The following CCDC178 variants were observed in gnomAD, a reference collection of about 807,000 sequenced individuals.
CCDC178 encodes the protein coiled-coil domain-containing protein 178.
In CCDC178, 126 loss-of-function variants were observed where a neutral mutation model predicts 117.4. The ratio of observed to expected loss-of-function variants is 1.07; its 90% confidence interval spans 0.93 to 1.24. The LOEUF (loss-of-function observed/expected upper bound fraction) is 1.24, where lower values mean the gene tolerates loss of function less well. CCDC178 is among the 50% of genes most tolerant of loss of function. The probability of loss-of-function intolerance (pLI) is 0.00; values close to 1 mark genes in which losing one functional copy is unlikely to be tolerated. For synonymous variants in CCDC178, 283 were observed against 313.4 expected (o/e 0.90, Z 1.02); for missense variants, 1,030 against 986.9 (o/e 1.04, Z -0.59).
chr18:32,940,779 TAAAAGA>T (rs1330258991), intron 22 of CCDC178, among the ~76,000 whole-genome samples: 4 of 152,074 alleles, frequency 2.6e-5, no homozygotes, highest in African/African-American at 9.7e-5. Context: ...TATAGGACTA[TAAAAGA>T]AAAAGATCCA....
chr18:33,169,344 C>T (rs973119250), intron 20 of CCDC178, among the ~76,000 whole-genome samples: 19 of 152,210 alleles, frequency 1.2e-4, no homozygotes, highest in African/African-American at 4.6e-4. Context: ...ATGCAGTTAA[C>T]TGATTTTTGA....
chr18:33,171,561 G>A (rs902688578), intron 20 of CCDC178, among the ~76,000 whole-genome samples: 11 of 152,164 alleles, frequency 7.2e-5, no homozygotes, highest in African/African-American at 2.2e-4. Flanking sequence ...TTACTGAATC[G>A]CAGTTTTGAC....
At chr18:33,411,511 A>G (rs932371594) in intron 3 of CCDC178, among the ~76,000 whole-genome samples, 2 of 151,942 alleles carry the variant, frequency 1.3e-5, no homozygotes, top group African/African-American at 4.8e-5. Flanking sequence ...TGCTAACATG[A>G]TACAGAATAA....
chr18:33,397,157 G>T lies in CCDC178; in HGVS notation c.110C>A (p.Thr37Lys). Reference protein sequence around the residue: ...KALREKAWSRTNEGNAMSQSL... With the variant: ...KALREKAWSRKNEGNAMSQSL... ...TAATAGCTGTTGGATACCTTCATTT[G>T]TCCTTGACCATGCCTTCTCTCTGAG... The change falls in exon 4 of 23, where the codon ACA becomes AAA. Residue 37 changes from threonine to lysine, a missense_variant. By Grantham distance (78) the Thr-to-Lys change is moderately conservative. Coordinates refer to ENST00000383096, the MANE Select transcript of CCDC178 (RefSeq NM_001105528.4). 6.3e-7 allele frequency: 1 copy of T among 1,599,904 alleles called. No homozygotes were observed. The highest frequency in any genetic ancestry group is 8.6e-7 in the Non-Finnish European group (1 of 1,168,078).
At chr18:33,142,682 A>G (rs1163854653) in intron 20 of CCDC178, among the ~76,000 whole-genome samples, 1 of 152,230 alleles carries the variant, frequency 6.6e-6, no homozygotes, top group African/African-American at 2.4e-5. Context: ...ATGTATCAAG[A>G]CCAGATATTG....
At chr18:33,187,577 A>G (rs1187056386) in intron 20 of CCDC178, among the ~76,000 whole-genome samples, 1 of 152,152 alleles carries the variant, frequency 6.6e-6, no homozygotes, top group Non-Finnish European at 1.5e-5. Context: ...TATGCACCAC[A>G]TACATCAAAA....
At chr18:33,197,473 A>AG (rs1302455318) in intron 20 of CCDC178, among the ~76,000 whole-genome samples, 6 of 152,112 alleles carry the variant, frequency 3.9e-5, no homozygotes, top group Admixed American at 3.9e-4. Flanking sequence ...GGTTAGTAGA[A>AG]GGGGGACCCA....
intron 21 of CCDC178, among the ~76,000 whole-genome samples, chr18:33,080,076 C>T (rs192795934): frequency 6.6e-6 from 1 of 152,264 alleles, no homozygotes; most frequent in East Asian, 1.9e-4. Context: ...GCATCTACAC[C>T]ATGGAACACT....
At chr18:33,102,073 T>G (rs1443291767) in intron 20 of CCDC178, among the ~76,000 whole-genome samples, 1 of 151,896 alleles carries the variant, frequency 6.6e-6, no homozygotes, top group Non-Finnish European at 1.5e-5. Flanking sequence ...AATTAAAACC[T>G]TTCTTCACGT....
At chr18:33,298,003 T>G (rs1489901356) in intron 11 of CCDC178, among the ~76,000 whole-genome samples, 1 of 150,728 alleles carries the variant, frequency 6.6e-6, no homozygotes. Flanking sequence ...GATTGCACAC[T>G]GCACTCCAGC....
chr18:33,084,897 A>C (rs1211980226), intron 21 of CCDC178, among the ~76,000 whole-genome samples: 6 of 151,890 alleles, frequency 4.0e-5, no homozygotes, highest in Non-Finnish European at 8.8e-5. Flanking sequence ...CTGGTCTTAT[A>C]CATGTATACA....
chr18:33,007,764 A>G (rs1172458557), intron 21 of CCDC178, among the ~76,000 whole-genome samples: 1 of 152,116 alleles, frequency 6.6e-6, no homozygotes, highest in East Asian at 1.9e-4. Flanking sequence ...GACATGACTG[A>G]TTCAGGTCAA....
intron 20 of CCDC178, among the ~76,000 whole-genome samples, chr18:33,167,429 T>C (rs1348582118): frequency 6.6e-6 from 1 of 152,186 alleles, no homozygotes; most frequent in Non-Finnish European, 1.5e-5. Context: ...AGCATGTTAT[T>C]TTTCGATGTT....
chr18:33,282,692 G>C (rs1010245229), intron 12 of CCDC178, among the ~76,000 whole-genome samples: 1 of 152,130 alleles, frequency 6.6e-6, no homozygotes, highest in Non-Finnish European at 1.5e-5. Context: ...TCACTACCTG[G>C]CACATGTTTG....
At chr18:33,424,955 G>A (rs1404806842) in intron 2 of CCDC178, among the ~76,000 whole-genome samples, 1 of 152,194 alleles carries the variant, frequency 6.6e-6, no homozygotes, top group Non-Finnish European at 1.5e-5. Context: ...GATATTTGGT[G>A]TAGTCGTGGA....
chr18:33,337,144 T>G (rs1256399745), intron 9 of CCDC178, among the ~76,000 whole-genome samples: 4 of 151,832 alleles, frequency 2.6e-5, no homozygotes, highest in Non-Finnish European at 5.9e-5. Context: ...GCTTTTTTTT[T>G]TTTTTTGCAG....
In CCDC178 at chr18:33,117,321, G is replaced by T. The variant is rs2057871445; in HGVS notation, c.2239-24411C>A. On this transcript the variant is annotated intron_variant, in intron 20 of 22. Transcript: ENST00000383096. ...TGAGCTTCTGAACAAAATGGCCATG[G>T]TGTTTATGGCAATTAATGGGATGGA... 2.6e-5 allele frequency among the ~76,000 whole-genome samples: 4 copies of T among 152,048 alleles called. No homozygotes were observed. In the South Asian group the frequency reaches 8.3e-4, roughly 31 times the overall value.
intron 18 of CCDC178, among the ~76,000 whole-genome samples, chr18:33,216,297 G>A (rs959424515): frequency 5.3e-5 from 8 of 152,006 alleles, no homozygotes; most frequent in South Asian, 2.1e-4. Context: ...ATTGGCAGGC[G>A]GACAAGGATA....
rs1270739738 is a variant in CCDC178, at chr18:33,224,902, A to C, written c.1691T>G (p.Leu564Arg). Residue 564 changes from leucine (L) to arginine (R), a missense_variant, in exon 17 of 23, where the codon CTT becomes CGT. Leu to Arg is a moderately radical substitution (Grantham distance 102, BLOSUM62 -2). Transcript: ENST00000383096. The stretch of plus-strand genomic sequence containing the variant: ...ATTTTTTATAAGCTCTTTCCGCTCA[A>C]GTGCCTGGACTTCGTAAATGGAATA... ...KLYSIYEVQALERKELIKNRA... is the reference protein window; with the variant it reads ...KLYSIYEVQARERKELIKNRA... The C allele has an allele frequency of 7.1e-6, 11 of 1,549,824 alleles. No individual in the cohort carries two copies. The highest frequency in any genetic ancestry group is 9.6e-6 in the Non-Finnish European group (11 of 1,147,508).
Sources: allele counts gnomAD v4.1 joint callset (sites outside exome capture counted in the v4.1 genomes callset), GRCh38; gene constraint gnomAD v4.1.1; transcripts MANE v1.5; gene names NCBI Gene and HGNC (gene_info 2026-07-23, HGNC 2026-07-21).